Variants in CWC22 observed in about 807,000 individuals in gnomAD.
CWC22 encodes the protein pre-mRNA-splicing factor CWC22 homolog.
In CWC22, 53 loss-of-function variants were observed where a neutral mutation model predicts 117.2. The ratio of observed to expected loss-of-function variants is 0.45; its 90% CI spans 0.36 to 0.57. The LOEUF is 0.57. Among genes scored for constraint, CWC22 ranks in the 20% least tolerant of loss-of-function variants. CWC22 has a pLI of 0.00. For missense variants in CWC22, 980 were observed against 1,068.8 expected, an observed-to-expected ratio of 0.92 and a Z score of 1.16; for synonymous variants, 360 against 355.6, an observed-to-expected ratio of 1.01 and a Z score of -0.14.
chr2:179,973,311 T>C (rs1038304452), intron 7 of CWC22, 65 bp from the exon 8 acceptor site: 2 of 1,079,356 alleles, frequency 1.9e-6, no homozygotes, highest in Non-Finnish European at 2.8e-6. Flanking sequence ...TTACATAATC[T>C]ATGGCCTACT....
rs190434277 is a variant in CWC22, at chr2:179,989,827, G to A, written c.28-1183C>T. ...TAAAATAATTTTAATTAACCATACT[G>A]TAAAGAAAAATAGCATTTAACATAC... On this transcript the variant is annotated intron_variant, in intron 2 of 19. Coordinates refer to ENST00000410053, the MANE Select transcript of CWC22 (RefSeq NM_020943.3). 1.6e-4 allele frequency among the ~76,000 whole-genome samples: 25 copies of A among 152,002 alleles called. No individual in the cohort carries two copies. In the East Asian group the frequency reaches 4.2e-3, roughly 26 times the overall value.
At position 179,993,468 on chromosome 2, in the gene CWC22, C is replaced by T. The variant is rs1687622064; in HGVS notation, c.-113-14G>A. ...TGCAAACATCACCTATAAAATATAC[C>T]AAAGAAAGCTTTATTAACACTAACA... On this transcript the variant is annotated splice_polypyrimidine_tract_variant and intron_variant, in intron 1 of 19. Transcript: ENST00000410053. 3 of 656,940 alleles carry T rather than the reference C, an allele frequency of 4.6e-6. No homozygotes were observed. In the Admixed American group the frequency reaches 8.1e-5, roughly 18 times the overall value. 40.7% of individuals were successfully genotyped at this position (656,940 alleles called of 1,614,324 possible). A position where few individuals can be genotyped will look rare whatever the true frequency, so the allele number is the denominator to read the frequency against.
At chr2:179,987,720 ATTT>A (rs937684236) in intron 3 of CWC22, among the ~76,000 whole-genome samples, 2 of 152,006 alleles carry the variant, frequency 1.3e-5, no homozygotes, top group Non-Finnish European at 2.9e-5. Context: ...GGCATAAAAA[ATTT>A]TTTTTACAGT....
chr2:180,007,172 A>T lies in CWC22; in HGVS notation c.-419T>A, dbSNP rs1688004370. The T allele has an allele frequency of 6.6e-6, 1 of 152,256 alleles. No individual in the cohort carries two copies. The highest frequency in any genetic ancestry group is 1.5e-5 in the Non-Finnish European group (1 of 68,050). 9.4% of individuals were successfully genotyped at this position (152,256 alleles called of 1,614,324 possible). On this transcript the variant is annotated 5_prime_UTR_variant, in exon 1 of 20. Coordinates refer to ENST00000410053, the MANE Select transcript of CWC22 (RefSeq NM_020943.3). ...GAATAGTGAAATATTTAAAAACTTGACGCTCAATTGGCTTGACACGTTATC... is the reference window on the plus strand; with the variant it reads ...GAATAGTGAAATATTTAAAAACTTGTCGCTCAATTGGCTTGACACGTTATC...
intron 4 of CWC22, among the ~76,000 whole-genome samples, chr2:179,985,581 C>G (rs1687398751): frequency 6.6e-6 from 1 of 151,992 alleles, no homozygotes; most frequent in African/African-American, 2.4e-5. Flanking sequence ...AGTAGTCACC[C>G]CTTATCTGTG....
intron 13 of CWC22, 116 bp downstream of exon 13, chr2:179,964,431 A>C: frequency 1.7e-6 from 1 of 572,646 alleles, no homozygotes; most frequent in South Asian, 2.5e-5. Context: ...AGAGAGTCTA[A>C]GAATGCTGAA....
Position 179,981,814 on chromosome 2 carries a change from A to T in CWC22, c.390T>A (p.Gly130=). 1.2e-6 allele frequency: 2 copies of T among 1,613,944 alleles called. No homozygotes were observed. Among genetic ancestry groups the T allele is most frequent in the Non-Finnish European group, 1.7e-6 (2 of 1,179,862 alleles). Residue 130 remains glycine (G), a synonymous_variant, in exon 5 of 20, where the codon GGT becomes GGA. Transcript: ENST00000410053. ...DELDPLLTRT[G]GAYIPPAKLR... ...GCTTTGCAGGGGGAATATATGCTCC[A>T]CCAGTGCGAGTAAGAAGAGGATCCA...
intron 11 of CWC22, among the ~76,000 whole-genome samples, chr2:179,969,413 G>C (rs1686974970): frequency 6.6e-6 from 1 of 152,154 alleles, no homozygotes; most frequent in African/African-American, 2.4e-5. Context: ...ATAATGCAGA[G>C]GAATGGAAGA....
At chr2:179,996,626 C>A (rs770286883) in intron 1 of CWC22, among the ~76,000 whole-genome samples, 50 of 151,236 alleles carry the variant, frequency 3.3e-4, no homozygotes, top group Non-Finnish European at 7.1e-4. Context: ...AGCAGACTGG[C>A]GGTTATCAGA....
At chr2:179,979,467 C>T (rs766858269) in intron 5 of CWC22, among the ~76,000 whole-genome samples, 1 of 152,144 alleles carries the variant, frequency 6.6e-6, no homozygotes, top group African/African-American at 2.4e-5. Flanking sequence ...TTTCCCCAAA[C>T]ACATTCATGG....
intron 17 of CWC22, among the ~76,000 whole-genome samples, chr2:179,951,869 C>A (rs1216652927): frequency 6.6e-6 from 1 of 151,976 alleles, no homozygotes; most frequent in Admixed American, 6.6e-5. Flanking sequence ...AGTAGGTAGT[C>A]AACTGCATAA....
At chr2:179,966,935 C>T (rs1686905808) in intron 11 of CWC22, among the ~76,000 whole-genome samples, 1 of 152,080 alleles carries the variant, frequency 6.6e-6, no homozygotes, top group Non-Finnish European at 1.5e-5. Flanking sequence ...TTATGAGACA[C>T]AAATCATTTT....
Position 179,989,930 on chromosome 2 carries a change from T to C in CWC22, c.28-1286A>G, listed in dbSNP as rs562331591. On this transcript the variant is annotated intron_variant, in intron 2 of 19. Transcript: ENST00000410053. ...CAAACTTACATGCTTGCCTCCTTAA[T>C]GAAGAAAGGATATATTTTAAAAAAG... 1.8e-4 allele frequency among the ~76,000 whole-genome samples: 28 copies of C among 152,276 alleles called. No homozygotes were observed. The South Asian group carries it at 5.4e-3, about 29-fold the overall frequency.
chr2:179,967,633 C>A (rs1686925833), intron 11 of CWC22, among the ~76,000 whole-genome samples: 1 of 152,156 alleles, frequency 6.6e-6, no homozygotes, highest in Admixed American at 6.5e-5. Flanking sequence ...AAGCCAGTTT[C>A]ATCTGAGAAT....
In CWC22 at chr2:179,954,244, C is replaced by T. The variant is rs368228486; in HGVS notation, c.1650G>A (p.Met550Ile). Residue 550 changes from methionine (M) to isoleucine (I), a missense_variant, in exon 16 of 20, where the codon ATG becomes ATA. Physicochemically the swap from Met to Ile is conservative, Grantham distance 10. Around this residue, in one of 3 missense-constraint regions of CWC22, gnomAD observed 115 missense variants for 169.8 expected, o/e 0.68. Coordinates refer to ENST00000410053, the MANE Select transcript of CWC22 (RefSeq NM_020943.3). ...AATCAGTGTATAAAAGGTGAGCAAA[C>T]ATCTTAGCAACATTTCGCAACTTGT... Reference protein sequence around the residue: ...ETNKLRNVAKMFAHLLYTDSL... With the variant: ...ETNKLRNVAKIFAHLLYTDSL... 9 of 1,611,824 alleles carry T rather than the reference C, an allele frequency of 5.6e-6. No homozygotes were observed. The African/African-American group carries it at 9.4e-5, about 17-fold the overall frequency.
At position 179,952,344 on chromosome 2, in the gene CWC22, T is replaced by C. The variant is rs574196614; in HGVS notation, c.1817+127A>G. ...TGACATAACATGAAATTCACAGTGA[T>C]TAATGGATGAAGAAAGTCTCAGGGG... On this transcript the variant is annotated intron_variant, in intron 17 of 19. Coordinates refer to ENST00000410053, the MANE Select transcript of CWC22 (RefSeq NM_020943.3). 1.2e-3 allele frequency: 661 copies of C among 539,198 alleles called. 2 individuals carry two copies. The highest frequency in any genetic ancestry group is 0.012 in the African/African-American group (606 of 51,162). The allele number at this position is 539,198 out of a possible 1,614,324, so 33.4% of individuals were successfully genotyped here.
intron 4 of CWC22, among the ~76,000 whole-genome samples, chr2:179,983,155 G>A (rs939931425): frequency 2.0e-5 from 3 of 151,964 alleles, no homozygotes; most frequent in Non-Finnish European, 4.4e-5. Flanking sequence ...TATTACATAG[G>A]TAAACTTGTG....
chr2:179,971,190 G>A, intron 8 of CWC22, 114 bp from the exon 9 acceptor site: 1 of 680,490 alleles, frequency 1.5e-6, no homozygotes, highest in Non-Finnish European at 2.2e-6. Context: ...TTGCACATAT[G>A]ATGGGCAAAG....
At chr2:179,946,464 A>AAAGG (rs1553556646) in intron 19 of CWC22, among the ~76,000 whole-genome samples, 17 of 92,532 alleles carry the variant, frequency 1.8e-4, no homozygotes, top group Middle Eastern at 6.6e-3. Flanking sequence ...AAAAAAAAAA[A>AAAGG]GGGGGGGGGG....
Sources: allele counts gnomAD v4.1 joint callset (sites outside exome capture counted in the v4.1 genomes callset), GRCh38; gene constraint gnomAD v4.1.1; regional missense constraint gnomAD v4.1.1; transcripts MANE v1.5; gene names NCBI Gene and HGNC (gene_info 2026-07-23, HGNC 2026-07-21).